PCDHGA2: variants seen among roughly 807,000 people sequenced by gnomAD.
PCDHGA2 encodes the protein protocadherin gamma subfamily A, 2.
A neutral mutation model predicts 59.2 loss-of-function variants in PCDHGA2; 40 were observed. The ratio of observed to expected loss-of-function variants is 0.68; its 90% CI spans 0.52 to 0.88. PCDHGA2 has a LOEUF of 0.88. PCDHGA2 is among the 40% of genes least tolerant of loss of function. The pLI, the probability that PCDHGA2 is intolerant of heterozygous loss-of-function variation, is 0.00. For synonymous variants in PCDHGA2, 560 were observed against 526.0 expected (o/e 1.06, Z -0.89); for missense variants, 1,226 against 1,204.0 (o/e 1.02, Z -0.27).
At chr5:141,393,405 C>G (rs777100284) in intron 1 of PCDHGA2, 1 of 1,613,914 alleles carries the variant, frequency 6.2e-7, no homozygotes, top group Admixed American at 1.7e-5. Flanking sequence ...GGTGCTGGAG[C>G]GCGCCCTGGA....
intron 1 of PCDHGA2, among the ~76,000 whole-genome samples, chr5:141,433,847 A>C (rs979302028): frequency 6.6e-6 from 1 of 151,976 alleles, no homozygotes; most frequent in South Asian, 2.1e-4. Context: ...CAAAAAAAAA[A>C]AAAAAAAACT....
chr5:141,380,612 A>G (rs1163500028), intron 1 of PCDHGA2, among the ~76,000 whole-genome samples: 1 of 152,204 alleles, frequency 6.6e-6, no homozygotes, highest in African/African-American at 2.4e-5. Context: ...TAATTTTATG[A>G]TGTTCGATAA....
intron 1 of PCDHGA2, among the ~76,000 whole-genome samples, chr5:141,425,918 C>T (rs901485843): frequency 1.1e-4 from 16 of 152,200 alleles, no homozygotes; most frequent in Admixed American, 2.0e-4. Flanking sequence ...ACAGTCACTA[C>T]GAAAACTCAT....
At chr5:141,366,229 G>T in intron 1 of PCDHGA2, 1 of 1,613,808 alleles carries the variant, frequency 6.2e-7, no homozygotes, top group South Asian at 1.1e-5. Context: ...GAGCCCTGCT[G>T]GACAGAGACG....
intron 1 of PCDHGA2, chr5:141,351,505 C>A (rs780867267): frequency 6.2e-7 from 1 of 1,614,000 alleles, no homozygotes; most frequent in Non-Finnish European, 8.5e-7. Flanking sequence ...CAGACTACAA[C>A]GTCACAATCA....
At chr5:141,452,751 A>C (rs1592230802) in intron 1 of PCDHGA2, among the ~76,000 whole-genome samples, 1 of 152,094 alleles carries the variant, frequency 6.6e-6, no homozygotes, top group South Asian at 2.1e-4. Context: ...AGAAGGAAGA[A>C]GGAAGGGAGG....
In PCDHGA2 at chr5:141,339,065, C is replaced by T; in HGVS notation, c.94C>T (p.Arg32Cys). The change falls in exon 1 of 4, where the codon CGC becomes TGC. Residue 32 changes from arginine to cysteine, a missense_variant. Coordinates refer to ENST00000394576, the MANE Select transcript of PCDHGA2 (RefSeq NM_018915.4). ...GTGGGAGGCCAGGGCCGGGCAGATT[C>T]GCTATTCTGTGCGGGAAGAGATCGA... ...TLWEARAGQI[R>C]YSVREEIDRG... The T allele has an allele frequency of 1.9e-6, 3 of 1,613,574 alleles. No homozygotes were observed. Among genetic ancestry groups the T allele is most frequent in the Non-Finnish European group, 2.5e-6 (3 of 1,179,456 alleles).
At chr5:141,423,050 G>T (rs1434973750) in intron 1 of PCDHGA2, 2 of 1,614,068 alleles carry the variant, frequency 1.2e-6, no homozygotes, top group Admixed American at 1.7e-5. Context: ...CTGTCCTATC[G>T]CCTGCTTAAG....
intron 1 of PCDHGA2, chr5:141,415,483 A>G: frequency 6.2e-7 from 1 of 1,614,212 alleles, no homozygotes; most frequent in South Asian, 1.1e-5. Context: ...CTCGCGAAAG[A>G]GTCACCTGAT....
In PCDHGA2 at chr5:141,489,514, C is replaced by T. The variant is rs141377711; in HGVS notation, c.2425-5293C>T. 63 of 1,613,926 alleles carry T rather than the reference C, an allele frequency of 3.9e-5. No homozygotes were observed. The highest frequency in any genetic ancestry group is 6.7e-5 in the Admixed American group (4 of 60,004). ...CCTGGCAGTGAATCAAAAGATTGAC[C>T]GAGAAAGCCTATGTGGAGCCAGCAC... On this transcript the variant is annotated intron_variant, in intron 1 of 3. Coordinates refer to ENST00000394576, the MANE Select transcript of PCDHGA2 (RefSeq NM_018915.4). This position sits in a 1 kb window ranked among gnomAD's most constrained non-coding sequence, Gnocchi z 4.5.
intron 1 of PCDHGA2, chr5:141,383,722 G>C (rs752091789): frequency 1.2e-6 from 2 of 1,613,934 alleles, no homozygotes; most frequent in East Asian, 4.5e-5. Flanking sequence ...GGGAGTCAAT[G>C]GGGAAGTGAC....
intron 1 of PCDHGA2, chr5:141,399,174 T>G: frequency 1.2e-6 from 2 of 1,613,818 alleles, no homozygotes; most frequent in Non-Finnish European, 1.7e-6. Context: ...ATTCTCTACT[T>G]GAAATGATTC....
At chr5:141,420,223 G>A in intron 1 of PCDHGA2, 2 of 1,604,640 alleles carry the variant, frequency 1.2e-6, no homozygotes, top group Non-Finnish European at 1.7e-6. Context: ...GCATGCTACT[G>A]GCTAGCATTT....
chr5:141,344,409 A>T (rs748440631), intron 1 of PCDHGA2: 4 of 1,612,176 alleles, frequency 2.5e-6, no homozygotes, highest in Non-Finnish European at 3.4e-6. Flanking sequence ...AATTAAAGAT[A>T]TTAATGATAA....
chr5:141,432,087 C>G lies in PCDHGA2; in HGVS notation c.2425-62720C>G. On this transcript the variant is annotated intron_variant, in intron 1 of 3. Coordinates refer to ENST00000394576, the MANE Select transcript of PCDHGA2 (RefSeq NM_018915.4). This position sits in a 1 kb window ranked among gnomAD's most constrained non-coding sequence, Gnocchi z 6.0. ...GAAACTCATATCTCGCTGAACGTGG[C>G]AGACACCAACGACAACCCGCCGGTC... 3 of 1,614,178 alleles carry G rather than the reference C, an allele frequency of 1.9e-6. No homozygotes were observed. The highest frequency in any genetic ancestry group is 2.5e-6 in the Non-Finnish European group (3 of 1,180,042).
intron 1 of PCDHGA2, chr5:141,362,031 G>A: frequency 6.2e-7 from 1 of 1,609,386 alleles, no homozygotes; most frequent in Non-Finnish European, 8.5e-7. Flanking sequence ...CGCGTGCCTT[G>A]GGCGACAGGG....
chr5:141,399,908 C>G (rs141997055), intron 1 of PCDHGA2: 2 of 1,612,300 alleles, frequency 1.2e-6, no homozygotes, highest in African/African-American at 1.3e-5. Context: ...GACGCAGACT[C>G]AGGACACAAC....
chr5:141,460,961 ATGTGTGTG>A (rs35821115), intron 1 of PCDHGA2, among the ~76,000 whole-genome samples: 11 of 144,552 alleles, frequency 7.6e-5, no homozygotes, highest in South Asian at 2.2e-4. Context: ...GTATATATAT[ATGTGTGTG>A]TGTGTGTGTG....
chr5:141,381,016 C>G (rs961179270), intron 1 of PCDHGA2, among the ~76,000 whole-genome samples: 1 of 152,210 alleles, frequency 6.6e-6, no homozygotes, highest in African/African-American at 2.4e-5. Flanking sequence ...TATAATACCT[C>G]TATTAGTTCC....
Sources: allele counts gnomAD v4.1 joint callset (sites outside exome capture counted in the v4.1 genomes callset), GRCh38; gene constraint gnomAD v4.1.1; non-coding constraint Gnocchi (gnomAD v3.1); transcripts MANE v1.5; gene names NCBI Gene and HGNC (gene_info 2026-07-23, HGNC 2026-07-21).